Variants in GSN observed in about 807,000 individuals in gnomAD.
The protein encoded by GSN is gelsolin, also known as actin-depolymerizing factor.
GSN carries 56 observed loss-of-function variants against 85.7 expected under a neutral mutation model. That is an observed-to-expected ratio of 0.65 (90% CI 0.53 to 0.82). GSN has a LOEUF of 0.82. Ranked by LOEUF, GSN falls within the 40% of genes least tolerant of loss-of-function variation. GSN has a pLI of 0.00. For synonymous variants in GSN, 373 were observed against 399.1 expected (o/e 0.93, Z 0.78); for missense variants, 857 against 979.8 (o/e 0.87, Z 1.67).
intron 4 of GSN, among the ~76,000 whole-genome samples, chr9:121,215,018 G>A (rs1320607412): frequency 6.6e-6 from 1 of 152,176 alleles, no homozygotes; most frequent in Non-Finnish European, 1.5e-5. Context: ...TGTCAGCACA[G>A]CTGTGCTCCC....
At chr9:121,301,758 A>G in intron 2 of GSN, 1 of 712,346 alleles carries the variant, frequency 1.4e-6, no homozygotes, top group Non-Finnish European at 2.4e-6. Flanking sequence ...TGGCCAGGGC[A>G]CAGGTTTTGA....
In GSN at chr9:121,332,336, C is replaced by T; in HGVS notation, c.2027-98C>T. ...CAGTAGGGACAGTAGGACCATAGAC[C>T]CTCTTCTTTGTCAACTCCTGTCCTG... is the stretch of plus-strand genomic sequence containing the variant. On this transcript the variant is annotated intron_variant, in intron 17 of 17. Transcript: ENST00000432226. The surrounding 1 kb of genome is among the most constrained non-coding windows in gnomAD (Gnocchi z 4.8). 9.2e-7 allele frequency: 1 copy of T among 1,085,872 alleles called. No homozygotes were observed. Among genetic ancestry groups the T allele is most frequent in the Non-Finnish European group, 1.4e-6 (1 of 698,538 alleles). 67.3% of individuals were successfully genotyped at this position (1,085,872 alleles called of 1,614,324 possible).
chr9:121,215,761 T>C (rs1437703850), intron 4 of GSN, among the ~76,000 whole-genome samples: 1 of 151,896 alleles, frequency 6.6e-6, no homozygotes, highest in Non-Finnish European at 1.5e-5. Flanking sequence ...TACATGTAAA[T>C]CAACCAATAG....
At position 121,331,595 on chromosome 9, in the gene GSN, C is replaced by T. The variant is rs897413339; in HGVS notation, c.2026+147C>T. On this transcript the variant is annotated intron_variant, in intron 17 of 17. Transcript: ENST00000432226. Reference sequence around the variant, plus strand: ...GGGGACTTCCTCCTCTGTGGGCCAGCCCCTCATAAATCCTGCCTGGGATAG... The same window carrying T: ...GGGGACTTCCTCCTCTGTGGGCCAGTCCCTCATAAATCCTGCCTGGGATAG... The T allele has an allele frequency of 9.5e-6, 6 of 628,820 alleles. No homozygotes were observed. The African/African-American group carries it at 1.1e-4, about 12-fold the overall frequency. The allele number at this position is 628,820 out of a possible 1,614,324, so 39.0% of individuals were successfully genotyped here.
At chr9:121,271,488 G>A (rs1016146492) in intron 1 of GSN, among the ~76,000 whole-genome samples, 1 of 152,214 alleles carries the variant, frequency 6.6e-6, no homozygotes, top group Non-Finnish European at 1.5e-5. Context: ...AGGAAACTGA[G>A]TCCGAGGCTG....
chr9:121,250,719 A>C (rs1220015294), intron 6 of GSN, among the ~76,000 whole-genome samples: 1 of 146,812 alleles, frequency 6.8e-6, no homozygotes, highest in Admixed American at 6.8e-5. Context: ...TTGTATTTTT[A>C]GTAGAGATGG....
At chr9:121,217,569 T>C (rs929873067) in intron 4 of GSN, among the ~76,000 whole-genome samples, 1 of 151,868 alleles carries the variant, frequency 6.6e-6, no homozygotes, top group Admixed American at 6.6e-5. Flanking sequence ...CCTTTTCTTA[T>C]AAAGATACCA....
intron 11 of GSN, among the ~76,000 whole-genome samples, chr9:121,323,052 C>G (rs1410880429): frequency 6.6e-6 from 1 of 152,080 alleles, no homozygotes; most frequent in African/African-American, 2.4e-5. Context: ...CCAGGCTGGT[C>G]TCGAACTCCT....
intron 6 of GSN, 84 bp downstream of exon 6, chr9:121,312,572 T>A: frequency 9.3e-6 from 10 of 1,072,260 alleles, no homozygotes; most frequent in Non-Finnish European, 1.2e-5. Flanking sequence ...TTGAGGTGAA[T>A]TTGAGGAAAA....
rs1482255221 is a variant in GSN at position 121,296,070 on chromosome 9, C to T, written c.-9-5893C>T. Reference sequence around the variant, plus strand: ...TCCCGGTGTCACCTCCTGCCCTGGCCTGGGAAGTGTCGTGGGGACAGCTGC... The same window carrying T: ...TCCCGGTGTCACCTCCTGCCCTGGCTTGGGAAGTGTCGTGGGGACAGCTGC... On this transcript the variant is annotated intron_variant, in intron 2 of 17. Coordinates refer to ENST00000432226, the MANE Select transcript of GSN (RefSeq NM_198252.3). Among the ~76,000 whole-genome samples the T allele has an allele frequency of 2.0e-5, 3 of 152,336 alleles. No homozygotes were observed. The East Asian group carries it at 5.8e-4, about 29-fold the overall frequency.
At chr9:121,239,414 C>A in intron 5 of GSN, 1 of 426,074 alleles carries the variant, frequency 2.3e-6, no homozygotes. Context: ...AAGAACCAGG[C>A]AGTTTCCATG....
In GSN at chr9:121,261,553, T is replaced by G. The variant is rs1478957699; in HGVS notation, c.-340-3601T>G. Among the ~76,000 whole-genome samples, 1 of 152,144 alleles carries G rather than the reference T, an allele frequency of 6.6e-6. No individual in the cohort carries two copies. The highest frequency in any genetic ancestry group is 1.5e-5 in the Non-Finnish European group (1 of 68,016). ...TCGATCTATGAACTGGGAGTGAGAG[T>G]AGTTCCAATCTGAGAAATTTTCGTC... On this transcript the variant is annotated intron_variant, in intron 6 of 24. Coordinates refer to the GSN transcript ENST00000373823. The surrounding 1 kb of genome is among the most constrained non-coding windows in gnomAD (Gnocchi z 4.1).
At chr9:121,260,697 G>A (rs1400560263) in intron 6 of GSN, among the ~76,000 whole-genome samples, 4 of 152,172 alleles carry the variant, frequency 2.6e-5, no homozygotes, top group Non-Finnish European at 5.9e-5. Context: ...GACTTGCCCA[G>A]GGTCATTTGC....
At chr9:121,286,203 T>G in intron 2 of GSN, 1 of 1,492,884 alleles carries the variant, frequency 6.7e-7, no homozygotes, top group East Asian at 2.5e-5. Flanking sequence ...GCACGGGATC[T>G]GGGGTGGTCC....
chr9:121,228,499 T>A (rs2054323115), intron 4 of GSN, among the ~76,000 whole-genome samples: 1 of 144,514 alleles, frequency 6.9e-6, no homozygotes, highest in Non-Finnish European at 1.5e-5. Flanking sequence ...AGTGGTGTGA[T>A]CTTGGCTCAC....
At chr9:121,222,521 A>T (rs1330500175) in intron 4 of GSN, among the ~76,000 whole-genome samples, 1 of 152,246 alleles carries the variant, frequency 6.6e-6, no homozygotes, top group Non-Finnish European at 1.5e-5. Flanking sequence ...AGGGTAATAA[A>T]ATGCGATGTT....
rs1233862168 is a variant in GSN at position 121,286,035 on chromosome 9, T to C, written c.-10+4473T>C. ...GTGTGTGCCTGTGATGCCTGCGGAG[T>C]TGGCTTGGCACAGCTATTTCCAGAC... On this transcript the variant is annotated intron_variant, in intron 2 of 17. Transcript: ENST00000432226. 15 of 1,291,396 alleles carry C rather than the reference T, an allele frequency of 1.2e-5. No homozygotes were observed. In the East Asian group the frequency reaches 1.5e-4, roughly 13 times the overall value. 80.0% of individuals were successfully genotyped at this position (1,291,396 alleles called of 1,614,324 possible). A position where few individuals can be genotyped will look rare whatever the true frequency, so the allele number is the denominator to read the frequency against.
chr9:121,211,389 A>G (rs1173945726), intron 4 of GSN, among the ~76,000 whole-genome samples: 1 of 152,252 alleles, frequency 6.6e-6, no homozygotes, highest in African/African-American at 2.4e-5. Flanking sequence ...AACAAAGCTG[A>G]AAAAACCCAC....
In GSN at chr9:121,299,886, G is replaced by A. The variant is rs935992317; in HGVS notation, c.-9-2077G>A. The A allele has an allele frequency of 8.4e-6, 11 of 1,315,110 alleles. No homozygotes were observed. Among genetic ancestry groups the A allele is most frequent in the Non-Finnish European group, 1.1e-5 (11 of 1,023,386 alleles). 81.5% of individuals were successfully genotyped at this position (1,315,110 alleles called of 1,614,324 possible). ...CATGGCTCCGCACCGCCCCGCGCCCGCGCTGCTTTGCGCGCTGTCCCTGGC... is the reference window on the plus strand; with the variant it reads ...CATGGCTCCGCACCGCCCCGCGCCCACGCTGCTTTGCGCGCTGTCCCTGGC... On this transcript the variant is annotated intron_variant, in intron 2 of 17. Transcript: ENST00000432226. This position sits in a 1 kb window ranked among gnomAD's most constrained non-coding sequence, Gnocchi z 4.2.
Sources: allele counts gnomAD v4.1 joint callset (sites outside exome capture counted in the v4.1 genomes callset), GRCh38; gene constraint gnomAD v4.1.1; non-coding constraint Gnocchi (gnomAD v3.1); transcripts MANE v1.5; gene names NCBI Gene and HGNC (gene_info 2026-07-23, HGNC 2026-07-21).